PDZRN4: variants seen among roughly 807,000 people sequenced by gnomAD.
PDZRN4 encodes PDZ domain-containing RING finger protein 4.
PDZRN4 carries 70 observed loss-of-function variants against 99.0 expected under a neutral mutation model. That is an observed-to-expected ratio of 0.71 (90% confidence interval 0.58 to 0.86). The LOEUF (loss-of-function observed/expected upper bound fraction) is 0.86. PDZRN4 is among the 40% of genes least tolerant of loss of function. The pLI, the probability that PDZRN4 is intolerant of heterozygous loss-of-function variation, is 0.00. For missense variants in PDZRN4, 1,474 were observed against 1,331.2 expected, an observed-to-expected ratio of 1.11 and a Z score of -1.67; for synonymous variants, 551 against 501.6, an observed-to-expected ratio of 1.10 and a Z score of -1.32.
At chr12:41,240,312 A>G (rs1406508407) in intron 3 of PDZRN4, among the ~76,000 whole-genome samples, 3 of 152,212 alleles carry the variant, frequency 2.0e-5, no homozygotes, top group Admixed American at 6.5e-5. Context: ...ATGAGATTCA[A>G]TTCCCATATG....
intron 3 of PDZRN4, among the ~76,000 whole-genome samples, chr12:41,415,375 G>GTT (rs1365529406): frequency 6.7e-6 from 1 of 148,812 alleles, no homozygotes; most frequent in East Asian, 1.9e-4. Flanking sequence ...TGTAATAAAT[G>GTT]TTATATATAT....
intron 5 of PDZRN4, among the ~76,000 whole-genome samples, chr12:41,517,631 A>T (rs17835484): frequency 1.2e-4 from 18 of 152,082 alleles, no homozygotes; most frequent in Non-Finnish European, 1.6e-4. Flanking sequence ...ATCATATTCC[A>T]CCTGTGTGCT....
intron 3 of PDZRN4, among the ~76,000 whole-genome samples, chr12:41,373,116 G>C (rs902999978): frequency 3.3e-5 from 5 of 152,058 alleles, no homozygotes; most frequent in African/African-American, 4.8e-5. Context: ...GTATGAATAG[G>C]GTGTGGGTCA....
intron 5 of PDZRN4, among the ~76,000 whole-genome samples, chr12:41,511,835 C>T (rs766915429): frequency 5.9e-5 from 9 of 152,116 alleles, no homozygotes; most frequent in Non-Finnish European, 1.2e-4. Context: ...CCATTAGGCT[C>T]ATTCAGTGAA....
intron 3 of PDZRN4, among the ~76,000 whole-genome samples, chr12:41,299,280 G>GAA (rs1565545335): frequency 1.3e-5 from 2 of 151,996 alleles, no homozygotes; most frequent in African/African-American, 4.8e-5. Flanking sequence ...GAGAGAGAGA[G>GAA]AGACAGAAAT....
At chr12:41,556,398 A>T (rs890015874) in intron 7 of PDZRN4, among the ~76,000 whole-genome samples, 11 of 152,220 alleles carry the variant, frequency 7.2e-5, no homozygotes, top group Non-Finnish European at 4.4e-5. Flanking sequence ...TACTACACAC[A>T]CACTTAGGCT....
chr12:41,482,830 A>T (rs1565594622), intron 3 of PDZRN4, among the ~76,000 whole-genome samples: 1 of 152,080 alleles, frequency 6.6e-6, no homozygotes. Context: ...CAAGGATGGC[A>T]CAAGTGTATT....
At chr12:41,462,078 T>C (rs1005855655) in intron 3 of PDZRN4, among the ~76,000 whole-genome samples, 1 of 152,238 alleles carries the variant, frequency 6.6e-6, no homozygotes, top group African/African-American at 2.4e-5. Flanking sequence ...CTATCTCTTC[T>C]GCCAACCAGT....
rs536246838 is a variant in PDZRN4 at position 41,214,430 on chromosome 12, TAAA to T, written c.843+20260_843+20262del. 2.6e-4 allele frequency among the ~76,000 whole-genome samples: 9 copies of T among 34,074 alleles called. 1 individual carries two copies. Among genetic ancestry groups the T allele is most frequent in the Non-Finnish European group, 4.4e-4 (7 of 15,830 alleles). The allele number at this position is 34,074 out of a possible 152,430, so 22.4% of individuals were successfully genotyped here. A position where few individuals can be genotyped will look rare whatever the true frequency, so the allele number is the denominator to read the frequency against. ...GGCAATAGAAGGAGACCCTGTCCCC[TAAA>T]AAAAAAAAAAAAAAAAAGTTATCTA... On this transcript the variant is annotated intron_variant, in intron 3 of 9. Transcript: ENST00000402685.
intron 3 of PDZRN4, among the ~76,000 whole-genome samples, chr12:41,293,017 G>A (rs887045852): frequency 2.0e-5 from 3 of 151,392 alleles, no homozygotes; most frequent in East Asian, 2.0e-4. Context: ...TTGGAGGCAC[G>A]CGCACCTTGC....
At chr12:41,403,055 A>G (rs953067796) in intron 3 of PDZRN4, among the ~76,000 whole-genome samples, 4 of 152,132 alleles carry the variant, frequency 2.6e-5, no homozygotes, top group Non-Finnish European at 5.9e-5. Flanking sequence ...AAGGGAAGCC[A>G]TAATAACTTT....
chr12:41,277,329 G>A (rs981086667), intron 3 of PDZRN4, among the ~76,000 whole-genome samples: 3 of 152,070 alleles, frequency 2.0e-5, no homozygotes, highest in Non-Finnish European at 4.4e-5. Flanking sequence ...TAGGGCCAAC[G>A]ATATAAAATC....
In PDZRN4 at chr12:41,487,117, A is replaced by G. The variant is rs74904385; in HGVS notation, c.844-19339A>G. On this transcript the variant is annotated intron_variant, in intron 3 of 9. Coordinates refer to ENST00000402685, the MANE Select transcript of PDZRN4 (RefSeq NM_001164595.2). ...TCAACTTTCCATATGATTAAAATTA[A>G]TTGAAGTATTTTTACATTGATTGTC... Among the ~76,000 whole-genome samples the G allele has an allele frequency of 5.3e-3, 804 of 152,268 alleles. 39 individuals are homozygous for G. The East Asian group carries it at 0.12, about 24-fold the overall frequency.
Position 41,197,546 on chromosome 12 carries a change from T to C in PDZRN4, c.843+3358T>C, listed in dbSNP as rs78633183. On this transcript the variant is annotated intron_variant, in intron 3 of 9. Coordinates refer to ENST00000402685, the MANE Select transcript of PDZRN4 (RefSeq NM_001164595.2). ...ATGCTTGTAAATTTTAAAAAATCAGTTGTGATAGTTGAGTTACACTAGGTG... is the reference window on the plus strand; with the variant it reads ...ATGCTTGTAAATTTTAAAAAATCAGCTGTGATAGTTGAGTTACACTAGGTG... Among the ~76,000 whole-genome samples, 788 of 152,322 alleles carry C rather than the reference T, an allele frequency of 5.2e-3. 3 individuals are homozygous for C. The highest frequency in any genetic ancestry group is 0.018 in the African/African-American group (737 of 41,578).
intron 5 of PDZRN4, among the ~76,000 whole-genome samples, chr12:41,535,878 T>C (rs1365497370): frequency 6.6e-6 from 1 of 152,190 alleles, no homozygotes; most frequent in Non-Finnish European, 1.5e-5. Flanking sequence ...ATAAACTTCT[T>C]TTAATTTGTA....
At chr12:41,358,045 A>AGTGAGGAT (rs1951939506) in intron 3 of PDZRN4, among the ~76,000 whole-genome samples, 1 of 151,998 alleles carries the variant, frequency 6.6e-6, no homozygotes, top group Admixed American at 6.6e-5. Flanking sequence ...TAAGTGAGGA[A>AGTGAGGAT]GTGAGGATGT....
At chr12:41,223,857 T>C (rs928365500) in intron 3 of PDZRN4, among the ~76,000 whole-genome samples, 1 of 152,180 alleles carries the variant, frequency 6.6e-6, no homozygotes, top group African/African-American at 2.4e-5. Flanking sequence ...CTGCAGCCCC[T>C]TTATGACCCT....
At chr12:41,439,781 T>C (rs1952662709) in intron 3 of PDZRN4, among the ~76,000 whole-genome samples, 1 of 152,096 alleles carries the variant, frequency 6.6e-6, no homozygotes, top group Non-Finnish European at 1.5e-5. Flanking sequence ...ATAAAGGGGG[T>C]GAAAAATGAA....
chr12:41,536,312 A>G (rs1364733213), intron 5 of PDZRN4, among the ~76,000 whole-genome samples: 1 of 152,220 alleles, frequency 6.6e-6, no homozygotes, highest in Admixed American at 6.5e-5. Context: ...AATACACATT[A>G]CTAAGTGAAA....
Sources: gnomAD v4.1 joint callset for allele counts (sites outside exome capture counted in the v4.1 genomes callset) on GRCh38, gnomAD v4.1.1 for gene constraint, MANE v1.5 for transcripts, NCBI Gene and HGNC (gene_info 2026-07-23, HGNC 2026-07-21) for gene names.